The following GPR158 variants were observed in gnomAD, a reference collection of about 807,000 sequenced individuals.
GPR158 encodes the protein G protein-coupled receptor 158.
Under a neutral mutation model 78.2 loss-of-function variants are expected in GPR158, and 30 were observed. That is an observed-to-expected ratio of 0.38 (90% CI 0.29 to 0.52). The LOEUF is 0.52. Ranked by LOEUF, GPR158 falls within the 20% of genes least tolerant of loss-of-function variation. The pLI is 0.83. For synonymous variants in GPR158, 581 were observed against 591.1 expected, an observed-to-expected ratio of 0.98 and a Z score of 0.25; for missense variants, 1,463 against 1,523.5, an observed-to-expected ratio of 0.96 and a Z score of 0.66.
chr10:25,382,337 A>G (rs911762255), intron 2 of GPR158, among the ~76,000 whole-genome samples: 2 of 152,212 alleles, frequency 1.3e-5, no homozygotes, highest in African/African-American at 4.8e-5. Context: ...TGTCTGAACC[A>G]GATGCTGTGT....
chr10:25,218,202 G>A (rs919165750), intron 1 of GPR158, among the ~76,000 whole-genome samples: 6 of 152,008 alleles, frequency 3.9e-5, no homozygotes, highest in Non-Finnish European at 7.4e-5. Context: ...GTCTCTGGGC[G>A]CCCAGGCTTA....
intron 4 of GPR158, among the ~76,000 whole-genome samples, chr10:25,465,522 G>A (rs1185298672): frequency 1.3e-5 from 2 of 152,254 alleles, no homozygotes; most frequent in East Asian, 1.9e-4. Context: ...TTCATGCTTA[G>A]CAAACTATTC....
At chr10:25,300,872 G>A (rs1359434789) in intron 2 of GPR158, among the ~76,000 whole-genome samples, 1 of 152,008 alleles carries the variant, frequency 6.6e-6, no homozygotes, top group Non-Finnish European at 1.5e-5. Context: ...TATTAGACAA[G>A]CAGAAGTAAA....
intron 5 of GPR158, among the ~76,000 whole-genome samples, chr10:25,547,342 CAA>C (rs140424233): frequency 0.035 from 5,249 of 152,144 alleles, 302 homozygotes; most frequent in African/African-American, 0.12. Flanking sequence ...CCCTATTATT[CAA>C]AGCTTACAAT....
At chr10:25,500,408 T>C (rs1378694158) in intron 5 of GPR158, among the ~76,000 whole-genome samples, 2 of 152,184 alleles carry the variant, frequency 1.3e-5, no homozygotes, top group Non-Finnish European at 2.9e-5. Context: ...TCTACTTGGA[T>C]TTTTTCAAAA....
chr10:25,232,469 G>A (rs530516324), intron 2 of GPR158, among the ~76,000 whole-genome samples: 1 of 152,302 alleles, frequency 6.6e-6, no homozygotes, highest in South Asian at 2.1e-4. Flanking sequence ...ACAGCCCTTG[G>A]CTGATTTAGA....
intron 3 of GPR158, among the ~76,000 whole-genome samples, chr10:25,407,380 AT>A (rs1184830271): frequency 6.6e-6 from 1 of 152,064 alleles, no homozygotes; most frequent in East Asian, 1.9e-4. Context: ...TATCTTTGCT[AT>A]TTTTATTCAT....
chr10:25,234,215 C>T (rs2130698591), intron 2 of GPR158, among the ~76,000 whole-genome samples: 1 of 152,266 alleles, frequency 6.6e-6, no homozygotes, highest in South Asian at 2.1e-4. Flanking sequence ...CTCTTCCTTA[C>T]TTCTGTGATT....
chr10:25,263,606 A>G (rs901173800), intron 2 of GPR158, among the ~76,000 whole-genome samples: 1 of 152,206 alleles, frequency 6.6e-6, no homozygotes, highest in Non-Finnish European at 1.5e-5. Flanking sequence ...GGTCATATGT[A>G]TGCCTAGAAT....
intron 2 of GPR158, among the ~76,000 whole-genome samples, chr10:25,328,951 AT>A (rs1855078534): frequency 6.9e-6 from 1 of 145,860 alleles, no homozygotes; most frequent in Non-Finnish European, 1.5e-5. Context: ...AAAAAAAAGA[AT>A]TACTAAAGAA....
At chr10:25,360,104 G>T (rs1369001256) in intron 2 of GPR158, among the ~76,000 whole-genome samples, 1 of 152,082 alleles carries the variant, frequency 6.6e-6, no homozygotes, top group African/African-American at 2.4e-5. Context: ...TTTTGATGAG[G>T]TTGTTTTCTT....
intron 2 of GPR158, among the ~76,000 whole-genome samples, chr10:25,383,896 A>T (rs990726925): frequency 6.6e-6 from 1 of 152,210 alleles, no homozygotes; most frequent in Non-Finnish European, 1.5e-5. Flanking sequence ...TTGGGGTTGA[A>T]TCCTGGCTCA....
At chr10:25,353,346 C>T (rs1242313772) in intron 2 of GPR158, among the ~76,000 whole-genome samples, 1 of 152,002 alleles carries the variant, frequency 6.6e-6, no homozygotes, top group African/African-American at 2.4e-5. Flanking sequence ...ATTGTTGAAT[C>T]TCACATAAAA....
In GPR158 at chr10:25,528,411, G is replaced by A. The variant is rs186857977; in HGVS notation, c.1405-22565G>A. On this transcript the variant is annotated intron_variant, in intron 5 of 10. Coordinates refer to ENST00000376351, the MANE Select transcript of GPR158 (RefSeq NM_020752.3). Reference sequence around the variant, plus strand: ...TAAAATATACATACAACATAATTGGGTACATTAAAAAACCTGAAGAAATCT... The same window carrying A: ...TAAAATATACATACAACATAATTGGATACATTAAAAAACCTGAAGAAATCT... 5.9e-5 allele frequency among the ~76,000 whole-genome samples: 9 copies of A among 151,942 alleles called. No homozygotes were observed. In the East Asian group the frequency reaches 1.7e-3, roughly 29 times the overall value.
chr10:25,304,658 C>G (rs1159639762), intron 2 of GPR158, among the ~76,000 whole-genome samples: 1 of 152,026 alleles, frequency 6.6e-6, no homozygotes, highest in East Asian at 1.9e-4. Flanking sequence ...ACCTTCAGAA[C>G]AATTCTGCAA....
chr10:25,445,536 T>G (rs1835128750), intron 4 of GPR158, among the ~76,000 whole-genome samples: 1 of 152,222 alleles, frequency 6.6e-6, no homozygotes, highest in Admixed American at 6.5e-5. Context: ...CATAGAAATC[T>G]CTCTGGTTGA....
intron 1 of GPR158, among the ~76,000 whole-genome samples, chr10:25,199,700 A>G (rs1328413579): frequency 6.6e-6 from 1 of 151,958 alleles, no homozygotes; most frequent in Admixed American, 6.6e-5. Context: ...TCTTGCCCCC[A>G]TGGAAGACCT....
intron 2 of GPR158, among the ~76,000 whole-genome samples, chr10:25,300,791 G>A (rs1401727436): frequency 6.6e-6 from 1 of 152,060 alleles, no homozygotes; most frequent in Admixed American, 6.6e-5. Context: ...GACCCCCTGT[G>A]ATGCAAAGAA....
chr10:25,272,967 A>T (rs1157132789), intron 2 of GPR158, among the ~76,000 whole-genome samples: 1 of 152,232 alleles, frequency 6.6e-6, no homozygotes, highest in Non-Finnish European at 1.5e-5. Context: ...ATTCTAGATC[A>T]TAAAAGCTGG....
Sources: gnomAD v4.1 joint callset for allele counts (sites outside exome capture counted in the v4.1 genomes callset) on GRCh38, gnomAD v4.1.1 for gene constraint, MANE v1.5 for transcripts, NCBI Gene and HGNC (gene_info 2026-07-23, HGNC 2026-07-21) for gene names.